GMPS: variants seen among roughly 807,000 people sequenced by gnomAD.
GMPS encodes guanosine monophosphate synthase.
A neutral mutation model predicts 77.9 loss-of-function variants in GMPS; 15 were observed. The observed-to-expected ratio is 0.19, with a 90% CI of 0.13 to 0.30. GMPS has a LOEUF of 0.30. Among genes scored for constraint, GMPS ranks in the 10% least tolerant of loss-of-function variants. The pLI is 1.00. For missense variants in GMPS, 590 were observed against 838.8 expected (o/e 0.70, Z 3.66); for synonymous variants, 224 against 275.9 (o/e 0.81, Z 1.86).
chr3:155,903,939 A>C lies in GMPS; in HGVS notation c.401A>C (p.Asp134Ala). 1 of 1,469,078 alleles carries C rather than the reference A, an allele frequency of 6.8e-7. No homozygotes were observed. Among genetic ancestry groups the C allele is most frequent in the Non-Finnish European group, 9.4e-7 (1 of 1,065,170 alleles). The allele number at this position is 1,469,078 out of a possible 1,614,324, so 91.0% of individuals were successfully genotyped here. Reference protein sequence around the residue: ...REDGVFNISVDNTCSLFRGLQ... With the variant: ...REDGVFNISVANTCSLFRGLQ... The stretch of plus-strand genomic sequence containing the variant: ...GATGGAGTTTTCAACATTAGTGTGG[A>C]TAATACATGTTCATTATTCAGGTAT... Residue 134 changes from aspartate to alanine, a missense_variant, in exon 4 of 16, where the codon GAT becomes GCT. Around this residue, in one of 6 missense-constraint regions of GMPS, gnomAD observed 136 missense variants for 225.6 expected, o/e 0.60. Coordinates refer to ENST00000496455, the MANE Select transcript of GMPS (RefSeq NM_003875.3).
Position 155,936,201 on chromosome 3 carries a change from A to G in GMPS, c.1808-137A>G, listed in dbSNP as rs1755761602. ...TTAAAATGCTCTGCGAGTAGCTGAA[A>G]TCAATGCATGATGACAGTCTTAACT... On this transcript the variant is annotated intron_variant, in intron 14 of 15. Transcript: ENST00000496455. The G allele has an allele frequency of 6.5e-6, 4 of 613,750 alleles. No homozygotes were observed. In the East Asian group the frequency reaches 1.1e-4, roughly 17 times the overall value. The allele number at this position is 613,750 out of a possible 1,614,324, so 38.0% of individuals were successfully genotyped here.
In GMPS at chr3:155,935,053, T is replaced by G; in HGVS notation, c.1807+7T>G. On this transcript the variant is annotated splice_region_variant and intron_variant, in intron 14 of 15. Transcript: ENST00000496455. Reference sequence around the variant, plus strand: ...AACATTCTCAGGGAGTCTGGTAAGTTGCTCATGTTTTTGATTACTACCCTC... The same window carrying G: ...AACATTCTCAGGGAGTCTGGTAAGTGGCTCATGTTTTTGATTACTACCCTC... 6.2e-7 allele frequency: 1 copy of G among 1,605,914 alleles called. No individual in the cohort carries two copies. Among genetic ancestry groups the G allele is most frequent in the South Asian group, 1.1e-5 (1 of 90,906 alleles).
At chr3:155,878,722 A>AGG (rs1267283744) in intron 1 of GMPS, among the ~76,000 whole-genome samples, 1 of 152,218 alleles carries the variant, frequency 6.6e-6, no homozygotes, top group Non-Finnish European at 1.5e-5. Flanking sequence ...GAAATTTGTT[A>AGG]GGGGAATTGG....
chr3:155,870,800 G>A lies in GMPS; in HGVS notation c.-71G>A, dbSNP rs1050304351. 32 of 1,076,422 alleles carry A rather than the reference G, an allele frequency of 3.0e-5. No homozygotes were observed. Among genetic ancestry groups the A allele is most frequent in the African/African-American group, 2.3e-4 (14 of 61,028 alleles). The allele number at this position is 1,076,422 out of a possible 1,614,324, so 66.7% of individuals were successfully genotyped here. On this transcript the variant is annotated 5_prime_UTR_variant, in exon 1 of 16. Transcript: ENST00000496455. Reference sequence around the variant, plus strand: ...CTTCTCAACCTCAGCCCGCGGCGCCGACCCTTCCGGCACCCTCCCGCCCCG... The same window carrying A: ...CTTCTCAACCTCAGCCCGCGGCGCCAACCCTTCCGGCACCCTCCCGCCCCG...
At chr3:155,881,625 C>G (rs773475111) in intron 1 of GMPS, among the ~76,000 whole-genome samples, 1 of 152,170 alleles carries the variant, frequency 6.6e-6, no homozygotes, top group Non-Finnish European at 1.5e-5. Context: ...AAGTGGCATA[C>G]AAACATAAGC....
At chr3:155,870,291 A>G (rs1753866541), upstream of GMPS, among the ~76,000 whole-genome samples, 1 of 152,202 alleles carries the variant, frequency 6.6e-6, no homozygotes, top group African/African-American at 2.4e-5. Flanking sequence ...AGCCTCCCGA[A>G]GTCATCCAAG....
intron 3 of GMPS, among the ~76,000 whole-genome samples, chr3:155,903,576 A>G (rs778576805): frequency 1.3e-5 from 2 of 152,252 alleles, no homozygotes; most frequent in African/African-American, 2.4e-5. Flanking sequence ...ATTTTTAAGC[A>G]GATGAATTCA....
At chr3:155,872,513 T>G (rs1408691653) in intron 1 of GMPS, among the ~76,000 whole-genome samples, 3 of 152,240 alleles carry the variant, frequency 2.0e-5, no homozygotes, top group Non-Finnish European at 2.9e-5. Flanking sequence ...GGACTGAAAT[T>G]TAATTTATGG....
intron 5 of GMPS, among the ~76,000 whole-genome samples, chr3:155,909,683 C>T (rs369459303): frequency 1.2e-4 from 19 of 152,292 alleles, no homozygotes; most frequent in Admixed American, 1.1e-3. Flanking sequence ...GGTGCAGTGG[C>T]GCACACCTGT....
Position 155,914,664 on chromosome 3 carries a change from G to C in GMPS, c.1038+94G>C, listed in dbSNP as rs542068864. ...GTCACTATATCAAATAACCAAATTA[G>C]CTAATTTTAATCCTTTTTCTTATGT... On this transcript the variant is annotated intron_variant, in intron 8 of 15. Coordinates refer to ENST00000496455, the MANE Select transcript of GMPS (RefSeq NM_003875.3). 1.4e-5 allele frequency: 10 copies of C among 735,914 alleles called. No homozygotes were observed. In the African/African-American group the frequency reaches 1.6e-4, roughly 12 times the overall value. The allele number at this position is 735,914 out of a possible 1,614,324, so 45.6% of individuals were successfully genotyped here.
At chr3:155,904,071 AG>A in intron 4 of GMPS, 111 bp downstream of exon 4, 1 of 542,484 alleles carries the variant, frequency 1.8e-6, no homozygotes, top group South Asian at 3.0e-5. Flanking sequence ...TTAAGGGTAT[AG>A]TAGTGACCAC....
chr3:155,882,318 A>T (rs1474678477), intron 1 of GMPS, among the ~76,000 whole-genome samples: 1 of 152,192 alleles, frequency 6.6e-6, no homozygotes, highest in African/African-American at 2.4e-5. Flanking sequence ...TGAAGAATAT[A>T]ATGATCCCTC....
At chr3:155,870,207 CTGAGA>C (rs949148790), upstream of GMPS, among the ~76,000 whole-genome samples, 2 of 152,260 alleles carry the variant, frequency 1.3e-5, no homozygotes, top group African/African-American at 4.8e-5. Context: ...GTCCAGCAAC[CTGAGA>C]TAAGGCCACG....
chr3:155,904,665 T>C (rs1754826529), intron 4 of GMPS, among the ~76,000 whole-genome samples: 1 of 152,222 alleles, frequency 6.6e-6, no homozygotes, highest in Non-Finnish European at 1.5e-5. Context: ...CTGAAGTTAC[T>C]CATTGTCAAA....
chr3:155,889,333 A>G (rs552983034), intron 1 of GMPS, among the ~76,000 whole-genome samples: 263 of 152,122 alleles, frequency 1.7e-3, no homozygotes, highest in Non-Finnish European at 3.0e-3. Flanking sequence ...CTGACTGGTT[A>G]GTGTCAAGGG....
At chr3:155,916,983 T>TA (rs1399852634) in intron 9 of GMPS, among the ~76,000 whole-genome samples, 11 of 152,066 alleles carry the variant, frequency 7.2e-5, no homozygotes, top group African/African-American at 2.7e-4. Context: ...TCTGATTTTT[T>TA]TTTTTTTTTG....
In GMPS at chr3:155,940,917, C is replaced by T. The variant is rs1284616234; in HGVS notation, c.*3225C>T. ...CTTGAAAAACACCCATCAAAGTTTT[C>T]CTGGTAGGAATCTCTCTTTACTGCG... On this transcript the variant is annotated 3_prime_UTR_variant, in exon 16 of 16. Coordinates refer to ENST00000496455, the MANE Select transcript of GMPS (RefSeq NM_003875.3). 1 of 213,640 alleles carries T rather than the reference C, an allele frequency of 4.7e-6. No individual in the cohort carries two copies. The highest frequency in any genetic ancestry group is 7.0e-5 in the East Asian group (1 of 14,318). The allele number at this position is 213,640 out of a possible 1,614,324, so 13.2% of individuals were successfully genotyped here.
intron 2 of GMPS, among the ~76,000 whole-genome samples, chr3:155,894,004 A>G (rs766296766): frequency 2.6e-5 from 4 of 152,248 alleles, no homozygotes; most frequent in Non-Finnish European, 5.9e-5. Flanking sequence ...AAAGCATTTC[A>G]TCAAAGGAAA....
At chr3:155,907,165 A>G (rs577516503) in intron 5 of GMPS, among the ~76,000 whole-genome samples, 15 of 152,362 alleles carry the variant, frequency 9.8e-5, no homozygotes, top group Non-Finnish European at 1.8e-4. Flanking sequence ...GTTTTATACT[A>G]AAAGTTTTTT....
Sources: allele counts gnomAD v4.1 joint callset (sites outside exome capture counted in the v4.1 genomes callset), GRCh38; gene constraint gnomAD v4.1.1; regional missense constraint gnomAD v4.1.1; transcripts MANE v1.5; gene names NCBI Gene and HGNC (gene_info 2026-07-23, HGNC 2026-07-21).